Variants in ZSCAN1 observed in about 807,000 individuals in gnomAD.
The protein encoded by ZSCAN1 is zinc finger and SCAN domain-containing protein 1.
A neutral mutation model predicts 23.8 loss-of-function variants in ZSCAN1; 23 were observed. That is an observed-to-expected ratio of 0.97 (90% CI 0.70 to 1.37). The LOEUF is 1.37. ZSCAN1 is among the 40% of genes most tolerant of loss of function. The pLI, the probability that ZSCAN1 is intolerant of heterozygous loss-of-function variation, is 0.00. For missense variants in ZSCAN1, 575 were observed against 554.0 expected, an observed-to-expected ratio of 1.04 and a Z score of -0.38; for synonymous variants, 236 against 232.3, an observed-to-expected ratio of 1.02 and a Z score of -0.15.
intron 4 of ZSCAN1, among the ~76,000 whole-genome samples, chr19:58,043,229 G>C (rs2073802229): frequency 6.6e-6 from 1 of 152,206 alleles, no homozygotes; most frequent in Non-Finnish European, 1.5e-5. Context: ...GCCTACCATC[G>C]GAAGCCTTTT....
chr19:58,046,678 C>T (rs1016473768), intron 4 of ZSCAN1: 5 of 876,286 alleles, frequency 5.7e-6, no homozygotes, highest in Admixed American at 3.5e-5. Context: ...CTCCACCAGT[C>T]AGGTGGCCGA....
chr19:58,044,494 T>C (rs2073810738), intron 4 of ZSCAN1: 6 of 395,006 alleles, frequency 1.5e-5, no homozygotes, highest in South Asian at 3.3e-5. Context: ...GGACGGCGCC[T>C]GAGGAGCCAC....
At chr19:58,042,541 G>A (rs408751) in intron 4 of ZSCAN1, among the ~76,000 whole-genome samples, 2 of 152,206 alleles carry the variant, frequency 1.3e-5, no homozygotes, top group East Asian at 3.9e-4. Context: ...CATCGCGCCC[G>A]GCCCTAAAAT....
At chr19:58,036,339 G>A (rs376566886) in intron 2 of ZSCAN1, among the ~76,000 whole-genome samples, 60 of 152,202 alleles carry the variant, frequency 3.9e-4, no homozygotes, top group African/African-American at 1.4e-3. Context: ...TTCCAGAAAG[G>A]TCGTGCCAAT....
intron 3 of ZSCAN1, among the ~76,000 whole-genome samples, chr19:58,038,761 C>T (rs1030001177): frequency 6.6e-6 from 1 of 152,250 alleles, no homozygotes; most frequent in Non-Finnish European, 1.5e-5. Context: ...GACCCCACGT[C>T]GAGATTCCAT....
intron 4 of ZSCAN1, among the ~76,000 whole-genome samples, chr19:58,043,680 C>T (rs922340081): frequency 1.3e-4 from 19 of 151,916 alleles, no homozygotes; most frequent in Non-Finnish European, 2.5e-4. Context: ...GACTGACTCT[C>T]ACTCTGTCAC....
At chr19:58,056,313 A>G (rs112116455), downstream of ZSCAN1, among the ~76,000 whole-genome samples, 4,213 of 152,092 alleles carry the variant, frequency 0.028, 176 homozygotes, top group African/African-American at 0.095. Context: ...TCCTTAACTC[A>G]CTGTGTCTCC....
At chr19:58,041,950 C>T (rs1204716196) in intron 4 of ZSCAN1, among the ~76,000 whole-genome samples, 1 of 152,140 alleles carries the variant, frequency 6.6e-6, no homozygotes, top group Non-Finnish European at 1.5e-5. Context: ...GCAGGCGGAT[C>T]ACAAGTTCAG....
intron 1 of ZSCAN1, 130 bp downstream of exon 1, chr19:58,034,291 G>T (rs2073716096): frequency 6.7e-6 from 1 of 150,186 alleles, no homozygotes; most frequent in African/African-American, 2.4e-5. Flanking sequence ...CGCGTCGGGG[G>T]AGGCGGGCCC....
In ZSCAN1 at chr19:58,047,438, G is replaced by C. The variant is rs1010607101; in HGVS notation, c.466-5052G>C. ...TTTTCCCCCAATTCTTTAAGCAGTC[G>C]ATTGGCACAGAGTTTTCCCACGCTG... is the stretch of plus-strand genomic sequence containing the variant. On this transcript the variant is annotated intron_variant, in intron 4 of 5. Coordinates refer to ENST00000282326, the MANE Select transcript of ZSCAN1 (RefSeq NM_182572.4). The surrounding 1 kb of genome is among the most constrained non-coding windows in gnomAD (Gnocchi z 4.9). 6.6e-6 allele frequency among the ~76,000 whole-genome samples: 1 copy of C among 152,124 alleles called. No individual in the cohort carries two copies. Among genetic ancestry groups the C allele is most frequent in the Non-Finnish European group, 1.5e-5 (1 of 68,038 alleles).
At chr19:58,043,659 T>G (rs1324357108) in intron 4 of ZSCAN1, among the ~76,000 whole-genome samples, 1 of 152,058 alleles carries the variant, frequency 6.6e-6, no homozygotes, top group Non-Finnish European at 1.5e-5. Context: ...ACATTTTTTT[T>G]TTCTTTCTTA....
At chr19:58,048,623 A>G (rs565032984) in intron 4 of ZSCAN1, among the ~76,000 whole-genome samples, 65 of 152,188 alleles carry the variant, frequency 4.3e-4, no homozygotes, top group African/African-American at 1.3e-3. Flanking sequence ...ATGCCTGGCT[A>G]ATTTTTGTAC....
chr19:58,039,711 C>G (rs568151480), intron 3 of ZSCAN1, among the ~76,000 whole-genome samples: 2 of 142,556 alleles, frequency 1.4e-5, no homozygotes, highest in Admixed American at 1.5e-4. Flanking sequence ...GCGGAGCTTG[C>G]AGTGAGCCAA....
chr19:58,041,314 G>A (rs910922956), intron 4 of ZSCAN1, among the ~76,000 whole-genome samples: 2 of 152,212 alleles, frequency 1.3e-5, no homozygotes, highest in Admixed American at 1.3e-4. Flanking sequence ...GGGGCCAGCA[G>A]GTCCCTCCTA....
intron 4 of ZSCAN1, chr19:58,046,069 G>A (rs2073823258): frequency 8.8e-6 from 6 of 680,474 alleles, no homozygotes; most frequent in Admixed American, 7.2e-5. Context: ...TGTGGAAGGC[G>A]CTCCCCAAAG....
intron 3 of ZSCAN1, 110 bp downstream of exon 3, chr19:58,038,316 C>T (rs2073757200): frequency 7.1e-7 from 1 of 1,408,228 alleles, no homozygotes; most frequent in African/African-American, 1.4e-5. Context: ...CCCGGCCCCT[C>T]CCGACCAGCA....
In ZSCAN1 at chr19:58,045,131, C is replaced by T. The variant is rs1599904915; in HGVS notation, c.465+4587C>T. 1.6e-6 allele frequency: 2 copies of T among 1,245,854 alleles called. No homozygotes were observed. Among genetic ancestry groups the T allele is most frequent in the East Asian group, 4.7e-5 (2 of 42,664 alleles). The allele number at this position is 1,245,854 out of a possible 1,614,324, so 77.2% of individuals were successfully genotyped here. The stretch of plus-strand genomic sequence containing the variant: ...ACACCAAGATCGCAGCACGCATGCT[C>T]TGGCGCATCCTCAACTGCCACACCC... On this transcript the variant is annotated intron_variant, in intron 4 of 5. Transcript: ENST00000282326. The surrounding 1 kb of genome is among the most constrained non-coding windows in gnomAD (Gnocchi z 4.3).
rs2073873269 is a variant in ZSCAN1, at chr19:58,053,656, G to A, written c.832G>A (p.Gly278Ser). ...TKGGTQEAVA[G>S]ISVVPRGPRG... ...AGGTGGTACCCAAGAGGCTGTTGCA[G>A]GCATCTCGGTAGTGCCGCGTGGGCC... is the stretch of plus-strand genomic sequence containing the variant. Residue 278 changes from glycine (G) to serine (S), a missense_variant, in exon 6 of 6, where the codon GGC (glycine) becomes AGC (serine). Transcript: ENST00000282326. The surrounding 1 kb of genome is among the most constrained non-coding windows in gnomAD (Gnocchi z 5.8). 3.7e-6 allele frequency: 6 copies of A among 1,614,104 alleles called. No homozygotes were observed. Among genetic ancestry groups the A allele is most frequent in the African/African-American group, 1.3e-5 (1 of 74,938 alleles).
Position 58,045,907 on chromosome 19 carries a change from G to A in ZSCAN1, c.465+5363G>A. 1 of 1,002,196 alleles carries A rather than the reference G, an allele frequency of 1.0e-6. No homozygotes were observed. Among genetic ancestry groups the A allele is most frequent in the Non-Finnish European group, 1.6e-6 (1 of 624,482 alleles). The allele number at this position is 1,002,196 out of a possible 1,614,324, so 62.1% of individuals were successfully genotyped here. On this transcript the variant is annotated intron_variant, in intron 4 of 5. Coordinates refer to ENST00000282326, the MANE Select transcript of ZSCAN1 (RefSeq NM_182572.4). This position sits in a 1 kb window ranked among gnomAD's most constrained non-coding sequence, Gnocchi z 4.3. ...TCTCCCAGAGATTGTGGCAAAGGAA[G>A]CACAGGTGAAAGTGGCCGAGGTGGA...
Sources: gnomAD v4.1 joint callset for allele counts (sites outside exome capture counted in the v4.1 genomes callset) on GRCh38, gnomAD v4.1.1 for gene constraint, Gnocchi (gnomAD v3.1) non-coding constraint, MANE v1.5 for transcripts, NCBI Gene and HGNC (gene_info 2026-07-23, HGNC 2026-07-21) for gene names.